GRIK4: variants seen among roughly 807,000 people sequenced by gnomAD.
The protein encoded by GRIK4 is glutamate receptor ionotropic, kainate 4.
In GRIK4, 40 loss-of-function variants were observed where a neutral mutation model predicts 104.9. The ratio of observed to expected loss-of-function variants is 0.38; its 90% CI spans 0.30 to 0.50. The LOEUF (loss-of-function observed/expected upper bound fraction) is 0.50, where lower values mean the gene tolerates loss of function less well. Among genes scored for constraint, GRIK4 ranks in the 20% least tolerant of loss-of-function variants. The pLI, the probability that GRIK4 is intolerant of heterozygous loss-of-function variation, is 0.93. For missense variants in GRIK4, 1,047 were observed against 1,308.1 expected (o/e 0.80, Z 3.08); for synonymous variants, 485 against 524.9 (o/e 0.92, Z 1.04).
chr11:120,744,669 A>C (rs963050834), intron 3 of GRIK4, among the ~76,000 whole-genome samples: 1 of 152,192 alleles, frequency 6.6e-6, no homozygotes, highest in African/African-American at 2.4e-5. Flanking sequence ...GCAGGGAAGA[A>C]GAGGTGGCAT....
chr11:120,748,582 T>A (rs1951489399), intron 3 of GRIK4, among the ~76,000 whole-genome samples: 1 of 150,890 alleles, frequency 6.6e-6, no homozygotes, highest in Non-Finnish European at 1.5e-5. Context: ...TAGAAGAGAG[T>A]GAGGAAGGAA....
At chr11:120,932,804 T>C (rs1943509519) in intron 13 of GRIK4, among the ~76,000 whole-genome samples, 1 of 152,072 alleles carries the variant, frequency 6.6e-6, no homozygotes, top group African/African-American at 2.4e-5. Context: ...ACTTGTAAAG[T>C]TGTAGAAAGC....
At chr11:120,711,074 C>G (rs1950727337) in intron 3 of GRIK4, among the ~76,000 whole-genome samples, 1 of 149,464 alleles carries the variant, frequency 6.7e-6, no homozygotes, top group African/African-American at 2.4e-5. Flanking sequence ...GTGGGCCATG[C>G]TGAGCTGTAG....
At chr11:120,589,076 C>T (rs565901543) in intron 1 of GRIK4, among the ~76,000 whole-genome samples, 2 of 152,278 alleles carry the variant, frequency 1.3e-5, no homozygotes, top group Admixed American at 6.5e-5. Context: ...GATGGAACTA[C>T]CTTCTCTGCT....
chr11:120,946,752 G>A (rs912230731), intron 14 of GRIK4, among the ~76,000 whole-genome samples: 3 of 152,208 alleles, frequency 2.0e-5, no homozygotes, highest in Non-Finnish European at 2.9e-5. Context: ...GCAACACAAT[G>A]TTGCAGGGGG....
chr11:120,718,040 C>T (rs1950866807), intron 3 of GRIK4, among the ~76,000 whole-genome samples: 1 of 152,206 alleles, frequency 6.6e-6, no homozygotes, highest in African/African-American at 2.4e-5. Flanking sequence ...CCTTAAGTGT[C>T]TGTCTAGACA....
chr11:120,530,308 C>T (rs1947910200), intron 1 of GRIK4, among the ~76,000 whole-genome samples: 2 of 152,050 alleles, frequency 1.3e-5, no homozygotes, highest in Admixed American at 1.3e-4. Flanking sequence ...GGAGAGGCTC[C>T]AGGGGAAGGA....
At chr11:120,512,255 C>T (rs1947670851) in intron 1 of GRIK4, among the ~76,000 whole-genome samples, 1 of 151,876 alleles carries the variant, frequency 6.6e-6, no homozygotes. Context: ...CCGTGCAACT[C>T]CCAGCCCTGC....
At position 120,749,806 on chromosome 11, in the gene GRIK4, G is replaced by A. The variant is rs115438345; in HGVS notation, c.83-52887G>A. On this transcript the variant is annotated intron_variant, in intron 3 of 20. Coordinates refer to ENST00000527524, the MANE Select transcript of GRIK4 (RefSeq NM_014619.5). ...CCACAGAAGGACTGATGGGCTCAGC[G>A]GTGGGCGGGGGGAAGTTTCAGAATC... is the stretch of plus-strand genomic sequence containing the variant. 6.9e-3 allele frequency among the ~76,000 whole-genome samples: 1,045 copies of A among 152,296 alleles called. 15 individuals are homozygous for A. The highest frequency in any genetic ancestry group is 0.024 in the African/African-American group (1,006 of 41,560).
intron 1 of GRIK4, chr11:120,564,499 G>C (rs1020296870): frequency 5.9e-5 from 9 of 152,232 alleles, no homozygotes. Context: ...AAGGGTCTTA[G>C]GACCCAGGAA....
intron 3 of GRIK4, among the ~76,000 whole-genome samples, chr11:120,684,466 G>A (rs1158690009): frequency 1.3e-5 from 2 of 152,238 alleles, no homozygotes; most frequent in African/African-American, 4.8e-5. Context: ...GACATTATTT[G>A]ATCCCTAACC....
chr11:120,892,895 T>A (rs1955346643), intron 11 of GRIK4, among the ~76,000 whole-genome samples: 2 of 152,008 alleles, frequency 1.3e-5, no homozygotes, highest in South Asian at 4.2e-4. Flanking sequence ...TACCCAGGGG[T>A]CCTAGAAAGA....
intron 11 of GRIK4, among the ~76,000 whole-genome samples, chr11:120,893,460 T>A (rs1942474266): frequency 6.6e-6 from 1 of 152,266 alleles, no homozygotes; most frequent in Non-Finnish European, 1.5e-5. Context: ...TAAGCAGCCA[T>A]TGGCCTTGTC....
At chr11:120,698,718 T>C (rs1362753747) in intron 3 of GRIK4, among the ~76,000 whole-genome samples, 2 of 152,190 alleles carry the variant, frequency 1.3e-5, no homozygotes, top group Non-Finnish European at 2.9e-5. Flanking sequence ...TCCTGCTGCC[T>C]CCCTGCCCTG....
intron 3 of GRIK4, among the ~76,000 whole-genome samples, chr11:120,684,283 A>G (rs1436120638): frequency 6.6e-6 from 1 of 152,206 alleles, no homozygotes; most frequent in Non-Finnish European, 1.5e-5. Context: ...AGATCTCACT[A>G]CTGCACTCCC....
chr11:120,666,755 C>T (rs944684990), intron 3 of GRIK4, among the ~76,000 whole-genome samples: 6 of 152,114 alleles, frequency 3.9e-5, no homozygotes, highest in African/African-American at 1.4e-4. Flanking sequence ...TCAGTTGGAT[C>T]GAGCAGCGTG....
At chr11:120,975,248 TGATGGGAGTGGA>T (rs1944542118) in intron 19 of GRIK4, among the ~76,000 whole-genome samples, 1 of 151,568 alleles carries the variant, frequency 6.6e-6, no homozygotes, top group Admixed American at 6.6e-5. Flanking sequence ...TGGGGGTGAG[TGATGGGAGTGGA>T]GGGGGCCCCA....
chr11:120,702,737 C>T (rs1318946507), intron 3 of GRIK4, among the ~76,000 whole-genome samples: 1 of 152,204 alleles, frequency 6.6e-6, no homozygotes, highest in Non-Finnish European at 1.5e-5. Context: ...GGTGGGCTCA[C>T]TGCTCTGGAG....
At chr11:120,848,327 G>A (rs541470467) in intron 8 of GRIK4, among the ~76,000 whole-genome samples, 6 of 152,284 alleles carry the variant, frequency 3.9e-5, no homozygotes, top group East Asian at 1.9e-4. Flanking sequence ...ATAGGTGGCC[G>A]CTCTTTCCTC....
Sources: allele counts gnomAD v4.1 joint callset (sites outside exome capture counted in the v4.1 genomes callset), GRCh38; gene constraint gnomAD v4.1.1; transcripts MANE v1.5; gene names NCBI Gene and HGNC (gene_info 2026-07-23, HGNC 2026-07-21).